ARHGEF33: variants seen among roughly 807,000 people sequenced by gnomAD.
ARHGEF33 encodes Rho guanine nucleotide exchange factor 33.
A neutral mutation model predicts 101.9 loss-of-function variants in ARHGEF33; 72 were observed. The observed-to-expected ratio is 0.71, with a 90% CI of 0.58 to 0.86. The LOEUF (loss-of-function observed/expected upper bound fraction) is 0.86, where lower values mean the gene tolerates loss of function less well. Among genes scored for constraint, ARHGEF33 ranks in the 40% least tolerant of loss-of-function variants. The probability of loss-of-function intolerance (pLI) is 0.00; values close to 1 mark genes in which losing one functional copy is unlikely to be tolerated. For missense variants in ARHGEF33, 1,169 were observed against 1,111.3 expected (o/e 1.05, Z -0.74); for synonymous variants, 499 against 442.5 (o/e 1.13, Z -1.60).
chr2:38,959,910 G>T lies in ARHGEF33; in HGVS notation c.1605G>T (p.Lys535Asn), dbSNP rs962750826. 3.2e-6 allele frequency: 5 copies of T among 1,551,938 alleles called. No homozygotes were observed. Among genetic ancestry groups the T allele is most frequent in the Non-Finnish European group, 4.4e-6 (5 of 1,146,952 alleles). The change falls in exon 16 of 18, where the codon AAG (lysine) becomes AAT (asparagine). Residue 535 changes from lysine to asparagine, a missense_variant. Lys to Asn is a moderately conservative substitution (Grantham distance 94). Transcript: ENST00000409978. Reference protein sequence around the residue: ...QSLMESMQPGKPSDWELEGRK... With the variant: ...QSLMESMQPGNPSDWELEGRK... Reference sequence around the variant, plus strand: ...TGATGGAGAGCATGCAGCCCGGGAAGCCCAGTGACTGGGAGCTGGAGGGCA... The same window carrying T: ...TGATGGAGAGCATGCAGCCCGGGAATCCCAGTGACTGGGAGCTGGAGGGCA...
At chr2:38,957,185 G>C (rs1667788489) in intron 14 of ARHGEF33, 138 bp downstream of exon 14, 1 of 1,110,198 alleles carries the variant, frequency 9.0e-7, no homozygotes. Context: ...GAGAGAAAGA[G>C]CTAGTCAGAC....
Position 38,960,360 on chromosome 2 carries a change from C to G in ARHGEF33, c.2055C>G (p.Gly685=). 6.5e-7 allele frequency: 1 copy of G among 1,528,866 alleles called. No homozygotes were observed. The highest frequency in any genetic ancestry group is 8.8e-7 in the Non-Finnish European group (1 of 1,142,030). The allele number at this position is 1,528,866 out of a possible 1,614,324, so 94.7% of individuals were successfully genotyped here. A position where few individuals can be genotyped will look rare whatever the true frequency, so the allele number is the denominator to read the frequency against. Reference sequence around the variant, plus strand: ...CCAAGAGCGCTACGTCGCCGGCGGGCAGCAGCAGCGCCTACAAACTGGAGG... The same window carrying G: ...CCAAGAGCGCTACGTCGCCGGCGGGGAGCAGCAGCGCCTACAAACTGGAGG... ...PLPKSATSPA[G]SSSAYKLEAA... The change falls in exon 16 of 18, where the codon GGC becomes GGG. Residue 685 remains glycine, a synonymous_variant. Coordinates refer to ENST00000409978, the MANE Select transcript of ARHGEF33 (RefSeq NM_001145451.5).
At chr2:38,966,239 C>G in intron 17 of ARHGEF33, 94 bp downstream of exon 17, 3 of 1,432,830 alleles carry the variant, frequency 2.1e-6, no homozygotes, top group Non-Finnish European at 1.9e-6. Context: ...GTAGCCTGGT[C>G]TCACACAACT....
At chr2:38,935,048 T>TAA (rs35050000) in intron 7 of ARHGEF33, among the ~76,000 whole-genome samples, 123 of 136,614 alleles carry the variant, frequency 9.0e-4, no homozygotes, top group African/African-American at 1.1e-3. Context: ...TAGGTGCAGT[T>TAA]AAAAAAAAAA....
chr2:38,964,314 A>G (rs1244689288), intron 16 of ARHGEF33, among the ~76,000 whole-genome samples: 1 of 152,064 alleles, frequency 6.6e-6, no homozygotes, highest in East Asian at 1.9e-4. Context: ...CAGCTGTACC[A>G]TTGAAGTTCA....
Position 38,974,697 on chromosome 2 carries a change from T to G in ARHGEF33, c.*854T>G, listed in dbSNP as rs1668238499. The G allele has an allele frequency of 6.6e-6, 1 of 152,222 alleles. No individual in the cohort carries two copies. Among genetic ancestry groups the G allele is most frequent in the South Asian group, 2.1e-4 (1 of 4,832 alleles). 9.4% of individuals were successfully genotyped at this position (152,222 alleles called of 1,614,324 possible). A position where few individuals can be genotyped will look rare whatever the true frequency, so the allele number is the denominator to read the frequency against. ...GGAAAAAAGCAGTGATTTAGCCACA[T>G]CTTGTTAAAAAGACTTTCTGCAGCC... On this transcript the variant is annotated 3_prime_UTR_variant, in exon 18 of 18. Transcript: ENST00000409978.
intron 11 of ARHGEF33, among the ~76,000 whole-genome samples, chr2:38,951,685 C>T (rs751617290): frequency 4.0e-5 from 6 of 151,756 alleles, no homozygotes; most frequent in Admixed American, 1.3e-4. Context: ...ATATATGCAT[C>T]TGTGTGTATA....
intron 2 of ARHGEF33, 123 bp from the exon 3 acceptor site, chr2:38,919,240 C>T: frequency 4.1e-5 from 21 of 507,506 alleles, no homozygotes; most frequent in Admixed American, 9.8e-5. Context: ...AATATTTTTC[C>T]TCTTCTGAAA....
intron 2 of ARHGEF33, among the ~76,000 whole-genome samples, chr2:38,915,686 G>C (rs979939239): frequency 7.2e-5 from 11 of 151,968 alleles, no homozygotes; most frequent in African/African-American, 2.4e-4. Context: ...ATGTAGTTTT[G>C]TTGCTTTTGT....
chr2:38,898,059 T>C (rs1469443855), intron 2 of ARHGEF33, among the ~76,000 whole-genome samples: 3 of 152,160 alleles, frequency 2.0e-5, no homozygotes, highest in Non-Finnish European at 2.9e-5. Context: ...GATCAAGACT[T>C]TCATTGGTAG....
chr2:38,971,744 A>G, intron 17 of ARHGEF33: 1 of 697,780 alleles, frequency 1.4e-6, no homozygotes, highest in South Asian at 1.5e-5. Context: ...ATATCAAGAA[A>G]TGCAGAGAAA....
intron 2 of ARHGEF33, among the ~76,000 whole-genome samples, chr2:38,912,398 C>T (rs1343017730): frequency 6.6e-6 from 1 of 152,198 alleles, no homozygotes; most frequent in African/African-American, 2.4e-5. Context: ...CTTTCATAAT[C>T]ATAGCAAGGC....
At chr2:38,958,729 C>G (rs758932961) in intron 15 of ARHGEF33, among the ~76,000 whole-genome samples, 3 of 151,598 alleles carry the variant, frequency 2.0e-5, no homozygotes, top group Non-Finnish European at 4.4e-5. Context: ...TTTTTGAGAC[C>G]GAGGTACAAT....
chr2:38,934,385 G>A (rs1001423770), intron 7 of ARHGEF33, among the ~76,000 whole-genome samples: 1 of 151,404 alleles, frequency 6.6e-6, no homozygotes, highest in Non-Finnish European at 1.5e-5. Context: ...TGTTACCCTC[G>A]ACTTCTCCCT....
At chr2:38,928,149 G>C (rs912806065) in intron 4 of ARHGEF33, among the ~76,000 whole-genome samples, 2 of 152,144 alleles carry the variant, frequency 1.3e-5, no homozygotes, top group Non-Finnish European at 2.9e-5. Context: ...ACATGCCTAA[G>C]GTCCTAGTAC....
At chr2:38,972,135 T>A (rs895459719) in intron 17 of ARHGEF33, among the ~76,000 whole-genome samples, 1 of 152,148 alleles carries the variant, frequency 6.6e-6, no homozygotes, top group African/African-American at 2.4e-5. Context: ...GCCCCTGACC[T>A]CCTGCCCCTA....
chr2:38,930,022 A>G lies in ARHGEF33; in HGVS notation c.362+192A>G, dbSNP rs6761263. 9.8e-3 allele frequency among the ~76,000 whole-genome samples: 1,487 copies of G among 152,362 alleles called. 24 individuals are homozygous for G. Among genetic ancestry groups the G allele is most frequent in the African/African-American group, 0.034 (1,429 of 41,586 alleles). ...GATGGATGGTACCTATTACATAGAA[A>G]AATCCATTTAATACGATATGTAAAA... On this transcript the variant is annotated intron_variant, in intron 6 of 17. Coordinates refer to ENST00000409978, the MANE Select transcript of ARHGEF33 (RefSeq NM_001145451.5).
At chr2:38,936,704 G>A (rs1350106230) in intron 8 of ARHGEF33, among the ~76,000 whole-genome samples, 1 of 151,998 alleles carries the variant, frequency 6.6e-6, no homozygotes, top group Non-Finnish European at 1.5e-5. Flanking sequence ...GGCCGGGCAT[G>A]GTGGCTCACG....
intron 4 of ARHGEF33, among the ~76,000 whole-genome samples, 157 bp downstream of exon 4, chr2:38,921,580 C>T (rs948118517): frequency 2.0e-5 from 3 of 152,172 alleles, no homozygotes; most frequent in Admixed American, 2.0e-4. Context: ...TCAGTGGGTC[C>T]CGCCACTCAC....
Sources: gnomAD v4.1 joint callset for allele counts (sites outside exome capture counted in the v4.1 genomes callset) on GRCh38, gnomAD v4.1.1 for gene constraint, MANE v1.5 for transcripts, NCBI Gene and HGNC (gene_info 2026-07-23, HGNC 2026-07-21) for gene names.